The following ITPKB variants were observed in gnomAD, a reference collection of about 807,000 sequenced individuals.
ITPKB encodes the protein inositol-trisphosphate 3-kinase B.
In ITPKB, 13 loss-of-function variants were observed where a neutral mutation model predicts 69.4. That is an observed-to-expected ratio of 0.19 (90% CI 0.12 to 0.30). ITPKB has a LOEUF of 0.30. Among genes scored for constraint, ITPKB ranks in the 10% least tolerant of loss-of-function variants. The probability of loss-of-function intolerance (pLI) is 1.00; values close to 1 mark genes in which losing one functional copy is unlikely to be tolerated. For missense variants in ITPKB, 1,240 were observed against 1,250.5 expected, an observed-to-expected ratio of 0.99 and a Z score of 0.13; for synonymous variants, 584 against 513.7, an observed-to-expected ratio of 1.14 and a Z score of -1.85.
chr1:226,693,000 C>A (rs185996496), intron 2 of ITPKB, among the ~76,000 whole-genome samples: 53 of 152,298 alleles, frequency 3.5e-4, no homozygotes, highest in African/African-American at 1.1e-3. Context: ...CAAACAAATC[C>A]CTGATGAGCT....
intron 2 of ITPKB, among the ~76,000 whole-genome samples, chr1:226,674,573 A>G (rs1223326112): frequency 1.3e-5 from 2 of 152,134 alleles, no homozygotes; most frequent in Non-Finnish European, 2.9e-5. Flanking sequence ...ACCTCAGGTG[A>G]TCTGCCCGCC....
intron 2 of ITPKB, among the ~76,000 whole-genome samples, chr1:226,691,625 G>T (rs769511119): frequency 6.6e-6 from 1 of 152,124 alleles, no homozygotes; most frequent in Non-Finnish European, 1.5e-5. Context: ...TTTTATGGAG[G>T]AACAATGAAA....
At chr1:226,659,003 G>A (rs902494000) in intron 2 of ITPKB, among the ~76,000 whole-genome samples, 1 of 152,224 alleles carries the variant, frequency 6.6e-6, no homozygotes, top group Non-Finnish European at 1.5e-5. Flanking sequence ...GGTTTGCAGT[G>A]CGTAGACCTG....
At chr1:226,734,770 A>G (rs529607215) in intron 2 of ITPKB, among the ~76,000 whole-genome samples, 25 of 152,366 alleles carry the variant, frequency 1.6e-4, no homozygotes, top group African/African-American at 4.8e-4. Flanking sequence ...ACGTGAAAAC[A>G]TACCTGAAAT....
In ITPKB at chr1:226,634,842, C is replaced by T; in HGVS notation, c.2670G>A (p.Gln890=). The T allele has an allele frequency of 6.2e-7, 1 of 1,614,082 alleles. No individual in the cohort carries two copies. The highest frequency in any genetic ancestry group is 8.5e-7 in the Non-Finnish European group (1 of 1,179,936). ...CAAAGTCGATCATCCACACTTTGGC[C>T]TGTTCCTTCTTGTCGTGGATGAAGA... is the stretch of plus-strand genomic sequence containing the variant. ...SLLFIHDKKE[Q]AKVWMIDFGK... Residue 890 remains glutamine, a synonymous_variant, in exon 8 of 8, where the codon CAG becomes CAA. Transcript: ENST00000429204. This position sits in a 1 kb window ranked among gnomAD's most constrained non-coding sequence, Gnocchi z 6.3.
Position 226,738,513 on chromosome 1 carries a change from C to T in ITPKB, c.-206+528G>A, listed in dbSNP as rs906120818. Among the ~76,000 whole-genome samples the T allele has an allele frequency of 2.0e-5, 3 of 152,230 alleles. No homozygotes were observed. The highest frequency in any genetic ancestry group is 7.2e-5 in the African/African-American group (3 of 41,460). ...GTGTATACGCCGCACGCGCGCGGAGCGAGTCCGCTCTCAGCGCGCCCTGTT... is the reference window on the plus strand; with the variant it reads ...GTGTATACGCCGCACGCGCGCGGAGTGAGTCCGCTCTCAGCGCGCCCTGTT... On this transcript the variant is annotated intron_variant, in intron 1 of 7. Coordinates refer to ENST00000429204, the MANE Select transcript of ITPKB (RefSeq NM_002221.4). This position sits in a 1 kb window ranked among gnomAD's most constrained non-coding sequence, Gnocchi z 4.2.
chr1:226,680,655 T>C (rs1475513186), intron 2 of ITPKB, among the ~76,000 whole-genome samples: 2 of 152,192 alleles, frequency 1.3e-5, no homozygotes, highest in East Asian at 3.8e-4. Context: ...TGGATATTGA[T>C]GATAGGGACT....
intron 2 of ITPKB, among the ~76,000 whole-genome samples, chr1:226,697,137 C>G (rs534096429): frequency 6.6e-6 from 1 of 152,220 alleles, no homozygotes; most frequent in Non-Finnish European, 1.5e-5. Flanking sequence ...CAAGCGTCAA[C>G]TAAATGTTGG....
chr1:226,686,142 T>C (rs1400255866), intron 2 of ITPKB, among the ~76,000 whole-genome samples: 1 of 152,086 alleles, frequency 6.6e-6, no homozygotes. Context: ...GAAAGCCATG[T>C]GGGCCAGCAG....
chr1:226,707,653 C>T (rs574125088), intron 2 of ITPKB: 1 of 1,008,520 alleles, frequency 9.9e-7, no homozygotes, highest in East Asian at 1.1e-4. Flanking sequence ...TCAAGGCCAT[C>T]ATCACAAGGA....
At chr1:226,701,982 G>C (rs895603696) in intron 2 of ITPKB, among the ~76,000 whole-genome samples, 2 of 152,088 alleles carry the variant, frequency 1.3e-5, no homozygotes, top group African/African-American at 4.8e-5. Flanking sequence ...TGCACACACA[G>C]AGAGGGAATC....
rs970891453 is a variant in ITPKB at position 226,637,822 on chromosome 1, C to T, written c.2554-72G>A. 9.0e-7 allele frequency: 1 copy of T among 1,115,590 alleles called. No homozygotes were observed. The highest frequency in any genetic ancestry group is 1.5e-5 in the African/African-American group (1 of 65,230). The allele number at this position is 1,115,590 out of a possible 1,614,324, so 69.1% of individuals were successfully genotyped here. A position where few individuals can be genotyped will look rare whatever the true frequency, so the allele number is the denominator to read the frequency against. ...GGCAGTGTCAGAACACCCATGCGGCCTCTAGTGGTCCCTCCCGTGAATGTG... is the reference window on the plus strand; with the variant it reads ...GGCAGTGTCAGAACACCCATGCGGCTTCTAGTGGTCCCTCCCGTGAATGTG... On this transcript the variant is annotated intron_variant, in intron 6 of 7. Coordinates refer to ENST00000429204, the MANE Select transcript of ITPKB (RefSeq NM_002221.4). This position sits in a 1 kb window ranked among gnomAD's most constrained non-coding sequence, Gnocchi z 4.3.
chr1:226,657,802 A>C (rs143157996), intron 2 of ITPKB, among the ~76,000 whole-genome samples: 1 of 152,218 alleles, frequency 6.6e-6, no homozygotes, highest in African/African-American at 2.4e-5. Flanking sequence ...TGTCTCAGCC[A>C]ACAGGATTAC....
intron 2 of ITPKB, among the ~76,000 whole-genome samples, chr1:226,709,645 C>T (rs949652046): frequency 6.6e-6 from 1 of 152,150 alleles, no homozygotes; most frequent in Admixed American, 6.5e-5. Context: ...CTTCCCTGAC[C>T]TTCCTTTGTC....
rs369471382 is a variant in ITPKB at position 226,642,155 on chromosome 1, C to T, written c.2247-30G>A. 1.1e-4 allele frequency: 170 copies of T among 1,588,394 alleles called. No individual in the cohort carries two copies. Among genetic ancestry groups the T allele is most frequent in the Non-Finnish European group, 1.4e-4 (159 of 1,162,684 alleles). On this transcript the variant is annotated intron_variant, in intron 4 of 7. Coordinates refer to ENST00000429204, the MANE Select transcript of ITPKB (RefSeq NM_002221.4). The surrounding 1 kb of genome is among the most constrained non-coding windows in gnomAD (Gnocchi z 6.4). The stretch of plus-strand genomic sequence containing the variant: ...GTGGGAGGGAAGGCGACATGAGGGC[C>T]GAGGCCTGGGGCAGGGCTCACCAGC...
intron 2 of ITPKB, among the ~76,000 whole-genome samples, chr1:226,649,392 A>G (rs1669129312): frequency 7.1e-6 from 1 of 141,204 alleles, no homozygotes; most frequent in African/African-American, 2.7e-5. Flanking sequence ...GCATGTGTGC[A>G]TGAGTGTGTG....
intron 2 of ITPKB, among the ~76,000 whole-genome samples, chr1:226,705,548 T>A (rs980831357): frequency 9.2e-5 from 12 of 129,828 alleles, no homozygotes; most frequent in African/African-American, 2.1e-4. Context: ...AAAAAAAAAA[T>A]GATGTCAAAG....
intron 2 of ITPKB, among the ~76,000 whole-genome samples, chr1:226,708,771 AG>A (rs1268984227): frequency 6.6e-6 from 1 of 152,220 alleles, no homozygotes; most frequent in Non-Finnish European, 1.5e-5. Context: ...TCAAGGTGAA[AG>A]AATGTGTTTT....
intron 2 of ITPKB, among the ~76,000 whole-genome samples, chr1:226,722,638 C>G (rs1657276464): frequency 6.6e-6 from 1 of 152,182 alleles, no homozygotes; most frequent in Non-Finnish European, 1.5e-5. Context: ...ATCAGACCAC[C>G]CCTGAGGTCA....
Sources: allele counts gnomAD v4.1 joint callset (sites outside exome capture counted in the v4.1 genomes callset), GRCh38; gene constraint gnomAD v4.1.1; non-coding constraint Gnocchi (gnomAD v3.1); transcripts MANE v1.5; gene names NCBI Gene and HGNC (gene_info 2026-07-23, HGNC 2026-07-21).